SH3PXD2A: variants seen among roughly 807,000 people sequenced by gnomAD.
SH3PXD2A encodes SH3 and PX domain-containing protein 2A.
Under a neutral mutation model 115.2 loss-of-function variants are expected in SH3PXD2A, and 32 were observed. The observed-to-expected ratio is 0.28, with a 90% CI of 0.21 to 0.37. The LOEUF (loss-of-function observed/expected upper bound fraction) is 0.37. Among genes scored for constraint, SH3PXD2A ranks in the 10% least tolerant of loss-of-function variants. The pLI, the probability that SH3PXD2A is intolerant of heterozygous loss-of-function variation, is 1.00. For missense variants in SH3PXD2A, 1,328 were observed against 1,498.7 expected, an observed-to-expected ratio of 0.89 and a Z score of 1.88; for synonymous variants, 610 against 629.1, an observed-to-expected ratio of 0.97 and a Z score of 0.45.
chr10:103,649,476 C>T (rs1352875114), intron 8 of SH3PXD2A, among the ~76,000 whole-genome samples: 2 of 152,230 alleles, frequency 1.3e-5, no homozygotes, highest in African/African-American at 4.8e-5. Flanking sequence ...TGCCAAGTGG[C>T]TATTCCTTGA....
At chr10:103,776,095 A>G (rs1485094062) in intron 2 of SH3PXD2A, among the ~76,000 whole-genome samples, 1 of 152,144 alleles carries the variant, frequency 6.6e-6, no homozygotes, top group Non-Finnish European at 1.5e-5. Flanking sequence ...TCTTCAAATC[A>G]TAAGTGTATA....
intron 1 of SH3PXD2A, among the ~76,000 whole-genome samples, chr10:103,812,552 C>G (rs912676788): frequency 7.9e-5 from 12 of 152,180 alleles, no homozygotes; most frequent in Admixed American, 3.9e-4. Flanking sequence ...CTGACCCAGG[C>G]CTACTGACCC....
intron 1 of SH3PXD2A, among the ~76,000 whole-genome samples, chr10:103,827,861 G>A (rs933352861): frequency 6.6e-6 from 1 of 152,320 alleles, no homozygotes; most frequent in African/African-American, 2.4e-5. Flanking sequence ...ATGGGCAGAC[G>A]TCCCAACACC....
intron 6 of SH3PXD2A, among the ~76,000 whole-genome samples, chr10:103,680,724 G>T (rs1026547372): frequency 3.3e-5 from 5 of 152,180 alleles, no homozygotes; most frequent in Admixed American, 3.3e-4. Context: ...AATCCAGGGG[G>T]CAAGGCAGAA....
intron 10 of SH3PXD2A, among the ~76,000 whole-genome samples, chr10:103,618,107 G>A (rs3781360): frequency 0.66 from 99,999 of 152,184 alleles, 34,168 homozygotes; most frequent in East Asian, 0.86. Context: ...AGCCTGCTCT[G>A]TTTTCAAGGA....
intron 3 of SH3PXD2A, among the ~76,000 whole-genome samples, chr10:103,742,423 C>T (rs2038454179): frequency 6.6e-6 from 1 of 152,192 alleles, no homozygotes; most frequent in Non-Finnish European, 1.5e-5. Context: ...GTTTAGTGCC[C>T]ACCCTATATC....
chr10:103,656,352 T>C (rs537432118), intron 8 of SH3PXD2A, among the ~76,000 whole-genome samples: 4 of 152,314 alleles, frequency 2.6e-5, no homozygotes, highest in Admixed American at 2.6e-4. Context: ...ACAATCAGAT[T>C]CAAACTTCGA....
chr10:103,745,737 C>T (rs1054393414), intron 3 of SH3PXD2A, among the ~76,000 whole-genome samples: 4 of 152,194 alleles, frequency 2.6e-5, no homozygotes, highest in Non-Finnish European at 4.4e-5. Flanking sequence ...ACGAGCTCCC[C>T]TCAGCCTGCG....
chr10:103,828,105 G>A (rs1461030937), intron 1 of SH3PXD2A, among the ~76,000 whole-genome samples: 1 of 152,210 alleles, frequency 6.6e-6, no homozygotes, highest in Non-Finnish European at 1.5e-5. Flanking sequence ...GAAAGTCTAC[G>A]TAATAAGATG....
chr10:103,853,272 T>C (rs1438005623), intron 1 of SH3PXD2A, among the ~76,000 whole-genome samples: 1 of 152,242 alleles, frequency 6.6e-6, no homozygotes, highest in Non-Finnish European at 1.5e-5. Flanking sequence ...CCCAAAATCT[T>C]TCTTCCTTTT....
chr10:103,720,519 C>T (rs777828659), intron 5 of SH3PXD2A, among the ~76,000 whole-genome samples: 9 of 152,168 alleles, frequency 5.9e-5, no homozygotes, highest in Non-Finnish European at 1.3e-4. Context: ...GAAGACGGTC[C>T]CCCACCCCAG....
rs763957305 is a variant in SH3PXD2A at position 103,602,206 on chromosome 10, C to T, written c.3012G>A (p.Thr1004=). The T allele has an allele frequency of 2.5e-5, 40 of 1,586,492 alleles. No individual in the cohort carries two copies. Among genetic ancestry groups the T allele is most frequent in the Admixed American group, 1.0e-4 (6 of 58,168 alleles). ...GGACGCCTCGGAGGCCATCAGTGGC[C>T]GTGAGTGACTCATTCCTCCGCAGGG... ...SCALRRNESL[T]ATDGLRGVRR... is the part of the protein sequence containing the mutation. Residue 1004 remains threonine (T), a synonymous_variant, in exon 15 of 15, where the codon ACG becomes ACA. Transcript: ENST00000369774.
Position 103,595,505 on chromosome 10 carries a change from C to T in SH3PXD2A, c.*6311G>A, listed in dbSNP as rs2036119480. 1 of 152,258 alleles carries T rather than the reference C, an allele frequency of 6.6e-6. No individual in the cohort carries two copies. The highest frequency in any genetic ancestry group is 2.4e-5 in the African/African-American group (1 of 41,460). The allele number at this position is 152,258 out of a possible 1,614,324, so 9.4% of individuals were successfully genotyped here. A position where few individuals can be genotyped will look rare whatever the true frequency, so the allele number is the denominator to read the frequency against. Reference sequence around the variant, plus strand: ...TGCACATGCTCTTCTCACCAACGTGCCTCTCACTTGCCTCTAACGTGCTCG... The same window carrying T: ...TGCACATGCTCTTCTCACCAACGTGTCTCTCACTTGCCTCTAACGTGCTCG... On this transcript the variant is annotated 3_prime_UTR_variant, in exon 15 of 15. Transcript: ENST00000369774.
intron 6 of SH3PXD2A, among the ~76,000 whole-genome samples, chr10:103,689,741 G>A (rs1233086996): frequency 1.3e-5 from 2 of 151,844 alleles, no homozygotes; most frequent in African/African-American, 4.9e-5. Context: ...CAGTTCCTGA[G>A]ATGGGGAAGA....
intron 5 of SH3PXD2A, among the ~76,000 whole-genome samples, chr10:103,710,239 A>G (rs1331373625): frequency 6.6e-6 from 1 of 151,574 alleles, no homozygotes; most frequent in Non-Finnish European, 1.5e-5. Context: ...CCAAAAATAC[A>G]AAAAATTAGC....
rs2036587434 is a variant in SH3PXD2A at position 103,620,562 on chromosome 10, G to C, written c.802+1908C>G. On this transcript the variant is annotated intron_variant, in intron 10 of 14. Transcript: ENST00000369774. This position sits in a 1 kb window ranked among gnomAD's most constrained non-coding sequence, Gnocchi z 5.3. ...GGAAGCTCCGCTTTTCTCTTGTCTAGCTCCTCCACAACCTGCAGCCTGCCT... is the reference window on the plus strand; with the variant it reads ...GGAAGCTCCGCTTTTCTCTTGTCTACCTCCTCCACAACCTGCAGCCTGCCT... 6.6e-6 allele frequency among the ~76,000 whole-genome samples: 1 copy of C among 152,180 alleles called. No individual in the cohort carries two copies. The highest frequency in any genetic ancestry group is 2.4e-5 in the African/African-American group (1 of 41,438).
At position 103,599,800 on chromosome 10, in the gene SH3PXD2A, A is replaced by G. The variant is rs1455290238; in HGVS notation, c.*2016T>C. 1 of 152,682 alleles carries G rather than the reference A, an allele frequency of 6.5e-6. No individual in the cohort carries two copies. Among genetic ancestry groups the G allele is most frequent in the Non-Finnish European group, 1.5e-5 (1 of 68,050 alleles). 9.5% of individuals were successfully genotyped at this position (152,682 alleles called of 1,614,324 possible). A position where few individuals can be genotyped will look rare whatever the true frequency, so the allele number is the denominator to read the frequency against. ...GCAGATTAACTCAACATCCTGCTCTATTTAATACTGTCCAGCAGAAGAAAA... is the reference window on the plus strand; with the variant it reads ...GCAGATTAACTCAACATCCTGCTCTGTTTAATACTGTCCAGCAGAAGAAAA... On this transcript the variant is annotated 3_prime_UTR_variant, in exon 15 of 15. Transcript: ENST00000369774.
In SH3PXD2A at chr10:103,723,908, G is replaced by A. The variant is rs570319320; in HGVS notation, c.398+362C>T. ...CTGGGACCTCTGCAGCCATAACAGCGAAGAGCAAGGACTGTGCTAGCCCTG... is the reference window on the plus strand; with the variant it reads ...CTGGGACCTCTGCAGCCATAACAGCAAAGAGCAAGGACTGTGCTAGCCCTG... On this transcript the variant is annotated intron_variant, in intron 5 of 14. Transcript: ENST00000369774. 2.6e-3 allele frequency among the ~76,000 whole-genome samples: 392 copies of A among 152,258 alleles called. 7 individuals are homozygous for A. Among genetic ancestry groups the A allele is most frequent in the South Asian group, 0.02 (98 of 4,810 alleles).
intron 4 of SH3PXD2A, 79 bp downstream of exon 4, chr10:103,735,653 T>G: frequency 9.0e-7 from 1 of 1,111,424 alleles, no homozygotes; most frequent in Non-Finnish European, 1.4e-6. Flanking sequence ...TCCTCACAGA[T>G]GGACACTCAG....
Sources: gnomAD v4.1 joint callset for allele counts (sites outside exome capture counted in the v4.1 genomes callset) on GRCh38, gnomAD v4.1.1 for gene constraint, Gnocchi (gnomAD v3.1) non-coding constraint, MANE v1.5 for transcripts, NCBI Gene and HGNC (gene_info 2026-07-23, HGNC 2026-07-21) for gene names.